Variants in CWC27 observed in about 807,000 individuals in gnomAD.
CWC27 encodes the protein CWC27 spliceosome associated cyclophilin.
A neutral mutation model predicts 63.6 loss-of-function variants in CWC27; 47 were observed. That is an observed-to-expected ratio of 0.74 (90% confidence interval 0.58 to 0.94). The LOEUF (loss-of-function observed/expected upper bound fraction) is 0.94. Among genes scored for constraint, CWC27 ranks in the 40% least tolerant of loss-of-function variants. The probability of loss-of-function intolerance (pLI) is 0.00; values close to 1 mark genes in which losing one functional copy is unlikely to be tolerated. For synonymous variants in CWC27, 175 were observed against 179.8 expected (o/e 0.97, Z 0.22); for missense variants, 495 against 554.3 (o/e 0.89, Z 1.07).
intron 10 of CWC27, among the ~76,000 whole-genome samples, chr5:64,820,831 A>C (rs1442635859): frequency 6.6e-6 from 1 of 152,144 alleles, no homozygotes; most frequent in Non-Finnish European, 1.5e-5. Flanking sequence ...TAGAAGAAAA[A>C]GAGAAAATCT....
chr5:64,900,003 T>C (rs1247196321), intron 11 of CWC27, among the ~76,000 whole-genome samples: 1 of 152,248 alleles, frequency 6.6e-6, no homozygotes, highest in Non-Finnish European at 1.5e-5. Context: ...TTGTTCCTTT[T>C]ATTGCTAAGT....
In CWC27 at chr5:64,820,414, T is replaced by A. The variant is rs956016444; in HGVS notation, c.938+16028T>A. On this transcript the variant is annotated intron_variant, in intron 10 of 13. Transcript: ENST00000381070. ...TAACTTTTTGTTGTTGTTGTTGTTGTTATATTTTCATTCTAATTCTTAGAA... is the reference window on the plus strand; with the variant it reads ...TAACTTTTTGTTGTTGTTGTTGTTGATATATTTTCATTCTAATTCTTAGAA... Among the ~76,000 whole-genome samples, 150 of 152,298 alleles carry A rather than the reference T, an allele frequency of 9.8e-4. 1 individual carries two copies. Among genetic ancestry groups the A allele is most frequent in the African/African-American group, 3.5e-3 (144 of 41,556 alleles).
chr5:64,958,111 G>A (rs967029404), intron 11 of CWC27, among the ~76,000 whole-genome samples: 1 of 151,168 alleles, frequency 6.6e-6, no homozygotes, highest in Non-Finnish European at 1.5e-5. Context: ...TTTAATTTCC[G>A]ACATCTTAAG....
At chr5:64,943,011 C>G (rs1459211245) in intron 11 of CWC27, among the ~76,000 whole-genome samples, 1 of 152,004 alleles carries the variant, frequency 6.6e-6, no homozygotes, top group Non-Finnish European at 1.5e-5. Context: ...TGGCATGGAA[C>G]ATAGAAATAT....
chr5:64,817,322 A>G (rs939926840), intron 10 of CWC27, among the ~76,000 whole-genome samples: 5 of 152,160 alleles, frequency 3.3e-5, no homozygotes, highest in Non-Finnish European at 7.4e-5. Context: ...ATTTGCCTCT[A>G]TTCTACCAGG....
intron 11 of CWC27, among the ~76,000 whole-genome samples, chr5:64,922,657 G>C (rs370090688): frequency 6.6e-6 from 1 of 152,188 alleles, no homozygotes; most frequent in Non-Finnish European, 1.5e-5. Flanking sequence ...CCATTGCTGG[G>C]GAGCTAGTGT....
At chr5:64,831,583 A>T (rs1049584227) in intron 10 of CWC27, among the ~76,000 whole-genome samples, 14 of 151,962 alleles carry the variant, frequency 9.2e-5, no homozygotes, top group African/African-American at 4.8e-5. Flanking sequence ...CAGAAATTTT[A>T]AAAAACATTT....
At chr5:64,969,600 T>C (rs1316980335) in intron 11 of CWC27, among the ~76,000 whole-genome samples, 2 of 151,590 alleles carry the variant, frequency 1.3e-5, no homozygotes, top group African/African-American at 4.9e-5. Context: ...CCAAGCACTG[T>C]CCTAAGTGTA....
chr5:64,845,871 G>A (rs1745964857), intron 10 of CWC27, among the ~76,000 whole-genome samples: 1 of 152,142 alleles, frequency 6.6e-6, no homozygotes, highest in Admixed American at 6.5e-5. Flanking sequence ...GAATATCCAG[G>A]TACAAGAAGC....
chr5:65,009,066 G>T (rs571082715), intron 13 of CWC27, among the ~76,000 whole-genome samples: 6 of 152,288 alleles, frequency 3.9e-5, no homozygotes, highest in Admixed American at 2.0e-4. Flanking sequence ...ATGGCACCAG[G>T]ATCTGCTTCT....
intron 10 of CWC27, among the ~76,000 whole-genome samples, chr5:64,883,772 G>T (rs2112341017): frequency 6.6e-6 from 1 of 152,328 alleles, no homozygotes; most frequent in Non-Finnish European, 1.5e-5. Context: ...ATTCTTTCAA[G>T]AATGGAGTCC....
chr5:64,956,214 C>T (rs1188265145), intron 11 of CWC27, among the ~76,000 whole-genome samples: 1 of 152,016 alleles, frequency 6.6e-6, no homozygotes, highest in East Asian at 1.9e-4. Flanking sequence ...TTATAAGAGG[C>T]TCACAAACAC....
At chr5:64,884,459 A>G (rs746953383) in intron 10 of CWC27, among the ~76,000 whole-genome samples, 1 of 152,180 alleles carries the variant, frequency 6.6e-6, no homozygotes, top group Admixed American at 6.5e-5. Flanking sequence ...GTAAAAAGGT[A>G]TAGGATTTGG....
chr5:64,947,983 T>A (rs1748621880), intron 11 of CWC27, among the ~76,000 whole-genome samples: 1 of 152,094 alleles, frequency 6.6e-6, no homozygotes, highest in Admixed American at 6.6e-5. Context: ...TTATGGTCCT[T>A]GTCAGTTCTG....
chr5:64,778,309 TTC>T (rs141859352), intron 2 of CWC27, among the ~76,000 whole-genome samples: 13 of 150,254 alleles, frequency 8.7e-5, no homozygotes, highest in South Asian at 2.1e-4. Flanking sequence ...CTTGCTTTCT[TTC>T]TCTCTCTCTC....
chr5:64,969,824 GA>G (rs1749085677), intron 11 of CWC27, among the ~76,000 whole-genome samples: 1 of 152,162 alleles, frequency 6.6e-6, no homozygotes, highest in African/African-American at 2.4e-5. Context: ...AACGGAATCA[GA>G]AAAGGCTCAC....
chr5:64,806,201 G>A (rs1744662069), intron 10 of CWC27, among the ~76,000 whole-genome samples: 1 of 151,980 alleles, frequency 6.6e-6, no homozygotes, highest in African/African-American at 2.4e-5. Flanking sequence ...AGTATAATTT[G>A]CAAAATTAAA....
At chr5:65,004,860 T>TCA (rs1325880815) in intron 13 of CWC27, among the ~76,000 whole-genome samples, 1 of 56,510 alleles carries the variant, frequency 1.8e-5, no homozygotes, top group Non-Finnish European at 3.4e-5. Flanking sequence ...AAAGACTTTT[T>TCA]CATATATATA....
chr5:64,924,107 C>T (rs989784847), intron 11 of CWC27, among the ~76,000 whole-genome samples: 4 of 152,176 alleles, frequency 2.6e-5, no homozygotes, highest in Non-Finnish European at 5.9e-5. Context: ...TTCCTTGTCT[C>T]TGGTATATCC....
Sources: gnomAD v4.1 joint callset for allele counts (sites outside exome capture counted in the v4.1 genomes callset) on GRCh38, gnomAD v4.1.1 for gene constraint, MANE v1.5 for transcripts, NCBI Gene and HGNC (gene_info 2026-07-23, HGNC 2026-07-21) for gene names.